SETBP1: variants seen among roughly 807,000 people sequenced by gnomAD.
SETBP1 encodes SET binding protein 1, also known as SET-binding protein.
In SETBP1, 9 loss-of-function variants were observed where a neutral mutation model predicts 101.0. The ratio of observed to expected loss-of-function variants is 0.09; its 90% CI spans 0.05 to 0.16. The LOEUF is 0.16. SETBP1 is among the 10% of genes least tolerant of loss of function. SETBP1 has a pLI of 1.00. For missense variants in SETBP1, 1,858 were observed against 2,033.8 expected, an observed-to-expected ratio of 0.91 and a Z score of 1.66; for synonymous variants, 818 against 788.5, an observed-to-expected ratio of 1.04 and a Z score of -0.63.
At chr18:44,972,376 T>G (rs902154527) in intron 4 of SETBP1, among the ~76,000 whole-genome samples, 1 of 152,184 alleles carries the variant, frequency 6.6e-6, no homozygotes, top group Non-Finnish European at 1.5e-5. Context: ...TTTGGTTGCA[T>G]ATGAACTTTA....
chr18:44,983,965 A>G (rs1358317523), intron 4 of SETBP1, among the ~76,000 whole-genome samples: 1 of 152,196 alleles, frequency 6.6e-6, no homozygotes, highest in South Asian at 2.1e-4. Context: ...GCACTTTGGG[A>G]GGCTGAGGCA....
intron 4 of SETBP1, among the ~76,000 whole-genome samples, chr18:45,013,504 A>G (rs1016127273): frequency 6.6e-6 from 1 of 151,594 alleles, no homozygotes; most frequent in Non-Finnish European, 1.5e-5. Flanking sequence ...CAGTGGTGTG[A>G]CCTGGGCTCA....
At chr18:44,985,123 AGAGACTGTCGCC>A (rs2145254674) in intron 4 of SETBP1, among the ~76,000 whole-genome samples, 1 of 152,338 alleles carries the variant, frequency 6.6e-6, no homozygotes, top group South Asian at 2.1e-4. Context: ...ACTGGGCGAC[AGAGACTGTCGCC>A]TTTTGAACAT....
chr18:44,725,345 CTCTGT>C (rs1344945706), intron 2 of SETBP1, among the ~76,000 whole-genome samples: 1 of 152,098 alleles, frequency 6.6e-6, no homozygotes, highest in Non-Finnish European at 1.5e-5. Flanking sequence ...ATCCCAGGGC[CTCTGT>C]TCTTAATGAG....
At chr18:45,049,112 A>G (rs1045704682) in intron 5 of SETBP1, among the ~76,000 whole-genome samples, 1 of 152,200 alleles carries the variant, frequency 6.6e-6, no homozygotes, top group Non-Finnish European at 1.5e-5. Flanking sequence ...AGATCGAATA[A>G]CAATCTGAGA....
At chr18:45,041,887 G>T (rs555232114) in intron 5 of SETBP1, among the ~76,000 whole-genome samples, 7 of 151,990 alleles carry the variant, frequency 4.6e-5, no homozygotes, top group Non-Finnish European at 8.8e-5. Flanking sequence ...AACCCGGGAG[G>T]CGGAGGATGC....
At chr18:45,005,065 C>T (rs1357520420) in intron 4 of SETBP1, among the ~76,000 whole-genome samples, 2 of 152,150 alleles carry the variant, frequency 1.3e-5, no homozygotes, top group South Asian at 2.1e-4. Flanking sequence ...GGCGCAGCAT[C>T]TCAGTGAAGG....
chr18:44,946,041 C>T (rs773378860), intron 3 of SETBP1, among the ~76,000 whole-genome samples: 3 of 152,188 alleles, frequency 2.0e-5, no homozygotes, highest in Admixed American at 1.3e-4. Flanking sequence ...ACAGATGAAG[C>T]GCATTGTAAT....
intron 3 of SETBP1, among the ~76,000 whole-genome samples, chr18:44,937,324 G>T (rs1400092334): frequency 6.6e-6 from 1 of 150,970 alleles, no homozygotes; most frequent in East Asian, 1.9e-4. Context: ...GCGTAGTGGC[G>T]GGCGCCTGTA....
At chr18:45,053,156 A>T (rs949079125) in intron 5 of SETBP1, among the ~76,000 whole-genome samples, 1 of 152,192 alleles carries the variant, frequency 6.6e-6, no homozygotes, top group South Asian at 2.1e-4. Flanking sequence ...TTTTTAAAAA[A>T]TGTAGCTTTT....
At chr18:44,706,637 G>C (rs1415482695) in intron 2 of SETBP1, among the ~76,000 whole-genome samples, 1 of 133,534 alleles carries the variant, frequency 7.5e-6, no homozygotes, top group Non-Finnish European at 1.6e-5. Flanking sequence ...TTCCAGTAGT[G>C]ACAGGGTTTT....
Position 44,952,040 on chromosome 18 carries a change from C to T in SETBP1, c.2700C>T (p.Asp900=). Reference sequence around the variant, plus strand: ...ACTCTTTTGATTTCTGCTCCCTGGACAACCCGGAGGCCATTCCGTCCGACA... The same window carrying T: ...ACTCTTTTGATTTCTGCTCCCTGGATAACCCGGAGGCCATTCCGTCCGACA... The part of the protein sequence containing the change: ...RRYSFDFCSL[D]NPEAIPSDTS... Residue 900 remains aspartate (D), a synonymous_variant, in exon 4 of 6, where the codon GAC becomes GAT. Coordinates refer to ENST00000649279, the MANE Select transcript of SETBP1 (RefSeq NM_015559.3). 1 of 1,614,106 alleles carries T rather than the reference C, an allele frequency of 6.2e-7. No individual in the cohort carries two copies. The highest frequency in any genetic ancestry group is 8.5e-7 in the Non-Finnish European group (1 of 1,180,028).
intron 4 of SETBP1, among the ~76,000 whole-genome samples, chr18:45,010,294 T>G (rs2072811962): frequency 6.6e-6 from 1 of 152,228 alleles, no homozygotes; most frequent in African/African-American, 2.4e-5. Context: ...ATTGGTAAAT[T>G]CACGCTCTAG....
intron 3 of SETBP1, among the ~76,000 whole-genome samples, chr18:44,887,215 G>A (rs1417541877): frequency 6.6e-6 from 1 of 152,134 alleles, no homozygotes; most frequent in East Asian, 1.9e-4. Context: ...ATACAACGTA[G>A]GTGCCCAATA....
intron 2 of SETBP1, among the ~76,000 whole-genome samples, chr18:44,790,957 T>C (rs2033078392): frequency 6.6e-6 from 1 of 152,234 alleles, no homozygotes; most frequent in Admixed American, 6.5e-5. Context: ...AATATGCTTT[T>C]TTCAGAAATG....
intron 2 of SETBP1, among the ~76,000 whole-genome samples, chr18:44,801,199 G>A (rs993099425): frequency 3.3e-5 from 5 of 152,038 alleles, no homozygotes; most frequent in Non-Finnish European, 7.4e-5. Context: ...GTTAATGGGT[G>A]CAGCACACCA....
chr18:44,697,513 C>G (rs577285491), intron 1 of SETBP1, among the ~76,000 whole-genome samples: 2 of 152,176 alleles, frequency 1.3e-5, no homozygotes, highest in Non-Finnish European at 1.5e-5. Context: ...TTGAACTACA[C>G]GACTTTGAAT....
intron 3 of SETBP1, among the ~76,000 whole-genome samples, chr18:44,897,159 G>C (rs2069925021): frequency 6.6e-6 from 1 of 152,170 alleles, no homozygotes; most frequent in South Asian, 2.1e-4. Context: ...GAATCTCTCT[G>C]CTTTTAAGTT....
At chr18:44,849,366 A>G (rs1448464482) in intron 2 of SETBP1, among the ~76,000 whole-genome samples, 1 of 152,218 alleles carries the variant, frequency 6.6e-6, no homozygotes, top group Admixed American at 6.5e-5. Context: ...GGCTGGTCCT[A>G]TCACTAACTA....
Sources: allele counts gnomAD v4.1 joint callset (sites outside exome capture counted in the v4.1 genomes callset), GRCh38; gene constraint gnomAD v4.1.1; transcripts MANE v1.5; gene names NCBI Gene and HGNC (gene_info 2026-07-23, HGNC 2026-07-21).